GOLGA7B: variants seen among roughly 807,000 people sequenced by gnomAD.
The protein encoded by GOLGA7B is golgin subfamily A member 7B.
In GOLGA7B, 17 loss-of-function variants were observed where a neutral mutation model predicts 21.5. The ratio of observed to expected loss-of-function variants is 0.79; its 90% CI spans 0.54 to 1.19. The LOEUF (loss-of-function observed/expected upper bound fraction) is 1.19, where lower values mean the gene tolerates loss of function less well. GOLGA7B is among the 50% of genes most tolerant of loss of function. The pLI, the probability that GOLGA7B is intolerant of heterozygous loss-of-function variation, is 0.00. For synonymous variants in GOLGA7B, 87 were observed against 84.0 expected (o/e 1.04, Z -0.19); for missense variants, 169 against 224.4 (o/e 0.75, Z 1.58).
chr10:97,865,835 T>A lies in GOLGA7B; in HGVS notation c.*135T>A. 2.6e-5 allele frequency: 19 copies of A among 735,388 alleles called. No homozygotes were observed. Among genetic ancestry groups the A allele is most frequent in the East Asian group, 3.5e-5 (1 of 28,976 alleles). The allele number at this position is 735,388 out of a possible 1,614,324, so 45.6% of individuals were successfully genotyped here. On this transcript the variant is annotated 3_prime_UTR_variant, in exon 5 of 5. Transcript: ENST00000370602. ...CTGCTGCCCGGGGTGGGAGGGAGGGTGACGGGCCTCATATTTCCTGTGGGC... is the reference window on the plus strand; with the variant it reads ...CTGCTGCCCGGGGTGGGAGGGAGGGAGACGGGCCTCATATTTCCTGTGGGC...
chr10:97,863,838 AC>A, intron 2 of GOLGA7B, 91 bp from the exon 3 acceptor site: 1 of 1,361,494 alleles, frequency 7.3e-7, no homozygotes, highest in Non-Finnish European at 1.0e-6. Flanking sequence ...TTCCCCATCT[AC>A]ATGGCCCCAC....
intron 2 of GOLGA7B, among the ~76,000 whole-genome samples, chr10:97,861,497 A>G (rs1237240389): frequency 1.3e-5 from 2 of 152,368 alleles, no homozygotes; most frequent in East Asian, 3.9e-4. Flanking sequence ...CAGTCAGCCA[A>G]GGGCTCTGCC....
intron 1 of GOLGA7B, among the ~76,000 whole-genome samples, chr10:97,856,199 C>T (rs998400892): frequency 2.0e-5 from 3 of 151,964 alleles, no homozygotes; most frequent in African/African-American, 7.3e-5. Flanking sequence ...AACATTGTAC[C>T]CGATGGGTAA....
At position 97,865,825 on chromosome 10, in the gene GOLGA7B, GGAGGGA is replaced by G; in HGVS notation, c.*127_*132del. On this transcript the variant is annotated 3_prime_UTR_variant, in exon 5 of 5. Coordinates refer to ENST00000370602, the MANE Select transcript of GOLGA7B (RefSeq NM_001010917.3). Reference sequence around the variant, plus strand: ...TGGGCTCACCCTGCTGCCCGGGGTGGGAGGGAGGGTGACGGGCCTCATATTTCCTGT... The same window carrying G: ...TGGGCTCACCCTGCTGCCCGGGGTGGGGGTGACGGGCCTCATATTTCCTGT... 1.1e-5 allele frequency: 14 copies of G among 1,218,000 alleles called. No homozygotes were observed. The highest frequency in any genetic ancestry group is 1.4e-5 in the Non-Finnish European group (13 of 906,298). 75.4% of individuals were successfully genotyped at this position (1,218,000 alleles called of 1,614,324 possible). A position where few individuals can be genotyped will look rare whatever the true frequency, so the allele number is the denominator to read the frequency against.
rs1257514502 is a variant in GOLGA7B at position 97,871,450 on chromosome 10, A to G, written c.*5750A>G. ...AAGATATTGTTATTGCAGAAGTGAT[A>G]CTAGGACCTCGTTATACGATGGCCT... On this transcript the variant is annotated 3_prime_UTR_variant, in exon 5 of 5. Transcript: ENST00000370602. 6.6e-6 allele frequency: 1 copy of G among 152,254 alleles called. No individual in the cohort carries two copies. Among genetic ancestry groups the G allele is most frequent in the Non-Finnish European group, 1.5e-5 (1 of 68,050 alleles). 9.4% of individuals were successfully genotyped at this position (152,254 alleles called of 1,614,324 possible).
chr10:97,860,611 C>G (rs981501538), intron 2 of GOLGA7B, among the ~76,000 whole-genome samples: 2 of 152,330 alleles, frequency 1.3e-5, no homozygotes, highest in East Asian at 3.9e-4. Flanking sequence ...CCTCGGCCTC[C>G]CAAAGTGCTG....
intron 1 of GOLGA7B, among the ~76,000 whole-genome samples, chr10:97,850,786 T>C (rs2049900783): frequency 6.6e-6 from 1 of 151,982 alleles, no homozygotes; most frequent in African/African-American, 2.4e-5. Flanking sequence ...GACAAAGACA[T>C]CCTCAGGCTG....
At chr10:97,852,505 T>C (rs950036194) in intron 1 of GOLGA7B, among the ~76,000 whole-genome samples, 18 of 152,232 alleles carry the variant, frequency 1.2e-4, no homozygotes, top group African/African-American at 4.1e-4. Context: ...GCACAGGACC[T>C]GCACGTATTC....
intron 1 of GOLGA7B, among the ~76,000 whole-genome samples, chr10:97,856,588 T>C (rs2136514154): frequency 6.6e-6 from 1 of 152,332 alleles, no homozygotes; most frequent in East Asian, 1.9e-4. Flanking sequence ...TTATTTTCCT[T>C]TGGGAGGATA....
At position 97,864,020 on chromosome 10, in the gene GOLGA7B, G is replaced by A. The variant is rs1325465104; in HGVS notation, c.229G>A (p.Gly77Ser). The A allele has an allele frequency of 6.2e-7, 1 of 1,614,048 alleles. No homozygotes were observed. The highest frequency in any genetic ancestry group is 2.2e-5 in the East Asian group (1 of 44,902). The change falls in exon 3 of 5, where the codon GGC (glycine) becomes AGC (serine). Residue 77 changes from glycine to serine, a missense_variant. Physicochemically the swap from Gly to Ser is moderately conservative, Grantham distance 56. Coordinates refer to ENST00000370602, the MANE Select transcript of GOLGA7B (RefSeq NM_001010917.3). Reference protein sequence around the residue: ...EKIGGSSYLEGCLACATAYFI... With the variant: ...EKIGGSSYLESCLACATAYFI... ...GATTGGGGGCAGCTCCTACCTCGAG[G>A]GCTGCCTGGCCTGCGCCACGGCCTA...
At chr10:97,864,799 C>A (rs1187152453) in intron 4 of GOLGA7B, among the ~76,000 whole-genome samples, 1 of 152,160 alleles carries the variant, frequency 6.6e-6, no homozygotes, top group African/African-American at 2.4e-5. Flanking sequence ...GATGTGACTA[C>A]CCCAAGGTCT....
intron 2 of GOLGA7B, among the ~76,000 whole-genome samples, chr10:97,861,094 C>G (rs2049968639): frequency 6.6e-6 from 1 of 152,234 alleles, no homozygotes; most frequent in Non-Finnish European, 1.5e-5. Flanking sequence ...TCAGCTCCCT[C>G]CCTGGATCTG....
intron 1 of GOLGA7B, among the ~76,000 whole-genome samples, chr10:97,854,493 C>G (rs536845933): frequency 1.4e-3 from 217 of 152,308 alleles, no homozygotes; most frequent in African/African-American, 5.1e-3. Context: ...AATATATGTA[C>G]TCTATGTAGG....
chr10:97,858,060 C>A (rs935709740), intron 1 of GOLGA7B, among the ~76,000 whole-genome samples: 3 of 152,164 alleles, frequency 2.0e-5, no homozygotes, highest in Admixed American at 2.0e-4. Flanking sequence ...TCTAGTAGAC[C>A]ATGTGCTCTA....
Position 97,865,985 on chromosome 10 carries a change from G to T in GOLGA7B, c.*285G>T. On this transcript the variant is annotated 3_prime_UTR_variant, in exon 5 of 5. Coordinates refer to ENST00000370602, the MANE Select transcript of GOLGA7B (RefSeq NM_001010917.3). ...AGACAGATCTTCCTAGGAAGGCTGGGGTGGGGAGAACACAACCTAGGCGGC... is the reference window on the plus strand; with the variant it reads ...AGACAGATCTTCCTAGGAAGGCTGGTGTGGGGAGAACACAACCTAGGCGGC... The T allele has an allele frequency of 6.7e-6, 3 of 445,958 alleles. No homozygotes were observed. The highest frequency in any genetic ancestry group is 7.8e-6 in the Non-Finnish European group (2 of 255,776). The allele number at this position is 445,958 out of a possible 1,614,324, so 27.6% of individuals were successfully genotyped here.
intron 1 of GOLGA7B, among the ~76,000 whole-genome samples, chr10:97,856,960 T>A (rs1169988242): frequency 6.6e-6 from 1 of 152,192 alleles, no homozygotes; most frequent in Non-Finnish European, 1.5e-5. Context: ...GAGTTCCTCA[T>A]AGATTCTGGA....
At chr10:97,850,857 C>T (rs2049901284) in intron 1 of GOLGA7B, among the ~76,000 whole-genome samples, 1 of 148,272 alleles carries the variant, frequency 6.7e-6, no homozygotes, top group African/African-American at 2.6e-5. Flanking sequence ...TTACCCCATT[C>T]GAGTTTTTTT....
chr10:97,850,581 G>C (rs769796862), intron 1 of GOLGA7B, among the ~76,000 whole-genome samples: 1 of 152,330 alleles, frequency 6.6e-6, no homozygotes, highest in East Asian at 1.9e-4. Flanking sequence ...CCCCAGGCTG[G>C]GGTTTCCCCT....
chr10:97,860,723 G>A (rs2049966118), intron 2 of GOLGA7B, among the ~76,000 whole-genome samples: 1 of 152,200 alleles, frequency 6.6e-6, no homozygotes, highest in Admixed American at 6.5e-5. Context: ...GTGGTTCATA[G>A]ATTACACTTG....
Sources: allele counts gnomAD v4.1 joint callset (sites outside exome capture counted in the v4.1 genomes callset), GRCh38; gene constraint gnomAD v4.1.1; transcripts MANE v1.5; gene names NCBI Gene and HGNC (gene_info 2026-07-23, HGNC 2026-07-21).